AFG2A: variants seen among roughly 807,000 people sequenced by gnomAD.
AFG2A encodes ATPase family gene 2 protein homolog A.
chr4:123,011,974 G>T, the AFG2A span, among the ~76,000 whole-genome samples: 2 of 148,372 alleles, frequency 1.3e-5, no homozygotes, highest in East Asian at 4.1e-4. Flanking sequence ...AGGGGTGGGG[G>T]TTGCTTGCCC....
chr4:123,005,446 C>T, the AFG2A span, among the ~76,000 whole-genome samples: 16 of 152,284 alleles, frequency 1.1e-4, no homozygotes, highest in Admixed American at 6.5e-4. Flanking sequence ...TGAGCCACTG[C>T]GCCCAGCCTT....
At chr4:123,100,886 T>A in the AFG2A span, among the ~76,000 whole-genome samples, 1 of 151,990 alleles carries the variant, frequency 6.6e-6, no homozygotes, top group Admixed American at 6.6e-5. Context: ...ACTTTTCACA[T>A]GATTCCCAGA....
At chr4:123,002,969 C>G in the AFG2A span, among the ~76,000 whole-genome samples, 4 of 152,192 alleles carry the variant, frequency 2.6e-5, no homozygotes, top group Non-Finnish European at 5.9e-5. Context: ...GGTCTTTTCA[C>G]ATAGTCCCAT....
the AFG2A span, among the ~76,000 whole-genome samples, chr4:123,211,645 T>C: frequency 6.6e-6 from 1 of 152,172 alleles, no homozygotes; most frequent in Non-Finnish European, 1.5e-5. Context: ...AATGTCTAGA[T>C]AAGTCATGTA....
chr4:123,031,871 A>C, the AFG2A span, among the ~76,000 whole-genome samples: 1 of 152,176 alleles, frequency 6.6e-6, no homozygotes, highest in Non-Finnish European at 1.5e-5. Context: ...GGCTTGTGTG[A>C]GCTCTTAATG....
At chr4:123,068,259 C>G in the AFG2A span, among the ~76,000 whole-genome samples, 114 of 152,232 alleles carry the variant, frequency 7.5e-4, 1 homozygote, top group Middle Eastern at 0.017. Context: ...TGAAAGTCAG[C>G]CAAGAATATT....
the AFG2A span, among the ~76,000 whole-genome samples, chr4:122,968,998 T>G: frequency 6.6e-6 from 1 of 152,122 alleles, no homozygotes; most frequent in African/African-American, 2.4e-5. Context: ...TGGAAGTTAT[T>G]AATATAGCTT....
the AFG2A span, among the ~76,000 whole-genome samples, chr4:123,155,124 G>A: frequency 5.3e-5 from 8 of 151,868 alleles, no homozygotes; most frequent in South Asian, 2.1e-4. Flanking sequence ...TCTCACTCTC[G>A]CCCAGGCTGG....
chr4:123,132,834 G>A, the AFG2A span, among the ~76,000 whole-genome samples: 3,239 of 144,270 alleles, frequency 0.022, 66 homozygotes, highest in Non-Finnish European at 0.035. Flanking sequence ...AGGCTGAAGT[G>A]CAGTGGTGCG....
the AFG2A span, among the ~76,000 whole-genome samples, chr4:123,196,625 T>C: frequency 6.6e-6 from 1 of 152,166 alleles, no homozygotes; most frequent in Non-Finnish European, 1.5e-5. Flanking sequence ...CCTGCTGTAA[T>C]AGGATCTTGG....
the AFG2A span, among the ~76,000 whole-genome samples, chr4:122,930,943 AT>A: frequency 2.2e-5 from 1 of 45,726 alleles, no homozygotes; most frequent in African/African-American, 3.5e-5. Context: ...AAAAAATCTT[AT>A]GTTTTAAATG....
chr4:122,966,060 T>G, the AFG2A span, among the ~76,000 whole-genome samples: 1 of 152,204 alleles, frequency 6.6e-6, no homozygotes, highest in African/African-American at 2.4e-5. Flanking sequence ...GTATTATAGC[T>G]CCAAGGATCT....
chr4:122,998,499 C>T, the AFG2A span, among the ~76,000 whole-genome samples: 122,454 of 150,804 alleles, frequency 0.81, 51,439 homozygotes, highest in East Asian at 0.96. Flanking sequence ...GTGTGATGTT[C>T]CCCTTCCTGT....
At chr4:123,280,872 A>T in the AFG2A span, among the ~76,000 whole-genome samples, 1 of 152,108 alleles carries the variant, frequency 6.6e-6, no homozygotes, top group African/African-American at 2.4e-5. Flanking sequence ...GTGGGGCATT[A>T]TTCTGTCTAC....
the AFG2A span, among the ~76,000 whole-genome samples, chr4:123,133,416 G>T: frequency 6.6e-6 from 1 of 152,116 alleles, no homozygotes; most frequent in East Asian, 1.9e-4. Context: ...AGTTTAGAAC[G>T]TTGTGGTTAC....
the AFG2A span, among the ~76,000 whole-genome samples, chr4:123,070,018 C>T: frequency 7.0e-4 from 107 of 152,194 alleles, no homozygotes; most frequent in African/African-American, 2.3e-3. Flanking sequence ...AAATTTGATA[C>T]TTTGAACCAT....
the AFG2A span, among the ~76,000 whole-genome samples, chr4:122,973,752 ATGATGATGG>A: frequency 6.6e-6 from 1 of 152,230 alleles, no homozygotes; most frequent in African/African-American, 2.4e-5. Context: ...GTGCAGCAGC[ATGATGATGG>A]CTCACTGCGG....
the AFG2A span, chr4:123,028,506 C>CTT: frequency 5.8e-6 from 4 of 694,464 alleles, no homozygotes; most frequent in Non-Finnish European, 6.8e-6. Flanking sequence ...AGCAGTGATT[C>CTT]TTTTTTTTTT....
the AFG2A span, among the ~76,000 whole-genome samples, chr4:123,076,986 G>C: frequency 0.017 from 2,594 of 151,340 alleles, 33 homozygotes; most frequent in Admixed American, 0.033. Flanking sequence ...GGTGGTGGTG[G>C]GGCGGGGGGG....
Sources: gnomAD v4.1 joint callset for allele counts (sites outside exome capture counted in the v4.1 genomes callset) on GRCh38, gnomAD v4.1.1 for gene constraint, MANE v1.5 for transcripts, NCBI Gene and HGNC (gene_info 2026-07-23, HGNC 2026-07-21) for gene names.